Variants in RFC2 observed in about 807,000 individuals in gnomAD.
The protein encoded by RFC2 is replication factor C subunit 2, also known as A1 40 kDa subunit.
RFC2 carries 34 observed loss-of-function variants against 44.8 expected under a neutral mutation model. The ratio of observed to expected loss-of-function variants is 0.76; its 90% CI spans 0.58 to 1.01. The LOEUF is 1.01. Ranked by LOEUF, RFC2 falls within the 50% of genes least tolerant of loss-of-function variation. RFC2 has a pLI of 0.00. For missense variants in RFC2, 400 were observed against 453.6 expected (o/e 0.88, Z 1.07); for synonymous variants, 177 against 168.9 (o/e 1.05, Z -0.37).
Position 74,237,344 on chromosome 7 carries a change from G to A in RFC2, c.840+18C>T, listed in dbSNP as rs200452278. On this transcript the variant is annotated intron_variant, in intron 9 of 10. Transcript: ENST00000055077. ...AAGTGAGCGGTTCCTCTGCCAGGACGGGGGGAAGGAGGCCAACCTTGTAGG... is the reference window on the plus strand; with the variant it reads ...AAGTGAGCGGTTCCTCTGCCAGGACAGGGGGAAGGAGGCCAACCTTGTAGG... 2.0e-5 allele frequency: 32 copies of A among 1,582,634 alleles called. No homozygotes were observed. The highest frequency in any genetic ancestry group is 1.7e-4 in the Middle Eastern group (1 of 6,032).
chr7:74,234,748 T>C (rs1356119481), intron 10 of RFC2, among the ~76,000 whole-genome samples: 2 of 151,986 alleles, frequency 1.3e-5, no homozygotes, highest in Non-Finnish European at 2.9e-5. Flanking sequence ...CCTCCCTCCG[T>C]TCTCAACAGG....
At chr7:74,247,592 A>T (rs1803692794) in intron 4 of RFC2, among the ~76,000 whole-genome samples, 1 of 152,320 alleles carries the variant, frequency 6.6e-6, no homozygotes, top group Admixed American at 6.5e-5. Flanking sequence ...GTGAGTCGAG[A>T]TCGTGCCACT....
intron 10 of RFC2, among the ~76,000 whole-genome samples, chr7:74,233,023 T>C (rs373412468): frequency 6.6e-5 from 10 of 151,580 alleles, no homozygotes; most frequent in East Asian, 1.9e-4. Flanking sequence ...CTGGGCAACA[T>C]AGCAACACCC....
intron 1 of RFC2, 124 bp downstream of exon 1, chr7:74,254,147 G>T: frequency 1.4e-6 from 1 of 727,336 alleles, no homozygotes; most frequent in Non-Finnish European, 2.5e-6. Flanking sequence ...GCCACCCGGG[G>T]CCTCCTCCTC....
intron 3 of RFC2, chr7:74,249,336 T>G (rs1803801477): frequency 1.5e-6 from 1 of 682,048 alleles, no homozygotes; most frequent in Non-Finnish European, 2.4e-6. Flanking sequence ...AGGTCAGGAG[T>G]TCAAGACCAG....
Position 74,254,326 on chromosome 7 carries a change from G to A in RFC2, c.58C>T (p.Pro20Ser), listed in dbSNP as rs1554721587. 1 of 1,612,390 alleles carries A rather than the reference G, an allele frequency of 6.2e-7. No individual in the cohort carries two copies. The highest frequency in any genetic ancestry group is 1.1e-5 in the South Asian group (1 of 91,004). ...AGEVEAQDSDPAPAFSKAPGS... is the reference protein window; with the variant it reads ...AGEVEAQDSDSAPAFSKAPGS... ...GGGGCCTTGCTGAAGGCAGGGGCAG[G>A]GTCAGAGTCCTGGGCCTCCACCTCG... Residue 20 changes from proline (P) to serine (S), a missense_variant, in exon 1 of 11, where the codon CCT becomes TCT. Coordinates refer to ENST00000055077, the MANE Select transcript of RFC2 (RefSeq NM_181471.3).
chr7:74,234,551 C>T (rs1208109014), intron 10 of RFC2, among the ~76,000 whole-genome samples: 1 of 151,886 alleles, frequency 6.6e-6, no homozygotes, highest in Non-Finnish European at 1.5e-5. Context: ...TCAGGACAAT[C>T]AGCCACGTTG....
chr7:74,235,437 C>T (rs1278213183), intron 10 of RFC2, 95 bp downstream of exon 10: 2 of 822,788 alleles, frequency 2.4e-6, no homozygotes, highest in African/African-American at 3.4e-5. Flanking sequence ...CCACCTCGGC[C>T]TCCCAAAGTG....
Position 74,238,910 on chromosome 7 carries a change from C to T in RFC2, c.759+13G>A, listed in dbSNP as rs376419283. 5.6e-6 allele frequency: 9 copies of T among 1,609,704 alleles called. No individual in the cohort carries two copies. In the African/African-American group the frequency reaches 1.1e-4, roughly 19 times the overall value. On this transcript the variant is annotated intron_variant, in intron 8 of 10. Transcript: ENST00000055077. The surrounding 1 kb of genome is among the most constrained non-coding windows in gnomAD (Gnocchi z 4.0). ...GCTTCTGCTGACAGTACCACCCACA[C>T]TAGCGCTTGTACCTTGAACACGTTC...
chr7:74,251,063 A>G (rs1786910376), intron 2 of RFC2, among the ~76,000 whole-genome samples: 1 of 152,218 alleles, frequency 6.6e-6, no homozygotes, highest in Non-Finnish European at 1.5e-5. Context: ...CTGGGATTAC[A>G]GGTGTGAGCC....
chr7:74,233,595 G>GTTTTTTT, intron 10 of RFC2, among the ~76,000 whole-genome samples: 1 of 124,430 alleles, frequency 8.0e-6, no homozygotes, highest in Non-Finnish European at 1.7e-5. Flanking sequence ...GTTGTTATTG[G>GTTTTTTT]TTTTTTTTTT....
chr7:74,237,431 C>T lies in RFC2; in HGVS notation c.771G>A (p.Glu257=), dbSNP rs782743335. 15 of 1,591,690 alleles carry T rather than the reference C, an allele frequency of 9.4e-6. No homozygotes were observed. The highest frequency in any genetic ancestry group is 1.3e-5 in the Non-Finnish European group (15 of 1,167,474). Reference sequence around the variant, plus strand: ...TCTCCTTTACCAGCAGTGGGTGGGGCTCGTCACAGACCTGGCCAAAGGGAA... The same window carrying T: ...TCTCCTTTACCAGCAGTGGGTGGGGTTCGTCACAGACCTGGCCAAAGGGAA... ...NSENVFKVCD[E]PHPLLVKEMI... is the part of the protein sequence containing the mutation. Residue 257 remains glutamate, a synonymous_variant, in exon 9 of 11, where the codon GAG becomes GAA. Transcript: ENST00000055077.
intron 5 of RFC2, 39 bp downstream of exon 5, chr7:74,246,623 A>T (rs1267502548): frequency 1.5e-6 from 2 of 1,326,984 alleles, no homozygotes; most frequent in Non-Finnish European, 1.1e-6. Context: ...AAAGAGATTT[A>T]GAGATCAAGG....
intron 7 of RFC2, among the ~76,000 whole-genome samples, chr7:74,239,681 GT>G (rs1450669737): frequency 6.6e-6 from 1 of 152,112 alleles, no homozygotes; most frequent in Non-Finnish European, 1.5e-5. Context: ...ATTTCACCAT[GT>G]TGGCCAGGCT....
chr7:74,233,595 GTTTTTTTT>G lies in RFC2; in HGVS notation c.955-1387_955-1380del, dbSNP rs79258549. Among the ~76,000 whole-genome samples the G allele has an allele frequency of 2.4e-5, 3 of 124,436 alleles. No homozygotes were observed. The Admixed American group carries it at 2.5e-4, about 10-fold the overall frequency. The allele number at this position is 124,436 out of a possible 152,430, so 81.6% of individuals were successfully genotyped here. A position where few individuals can be genotyped will look rare whatever the true frequency, so the allele number is the denominator to read the frequency against. On this transcript the variant is annotated intron_variant, in intron 10 of 10. Transcript: ENST00000055077. Reference sequence around the variant, plus strand: ...GGTTATTTTGTTGTTGTTGTTATTGGTTTTTTTTTTTTTTTTTTTTTTAAGATGGAGTC... The same window carrying G: ...GGTTATTTTGTTGTTGTTGTTATTGGTTTTTTTTTTTTTTAAGATGGAGTC...
rs911491826 is a variant in RFC2, at chr7:74,254,201, C to T, written c.113+70G>A. The T allele has an allele frequency of 4.5e-4, 535 of 1,198,710 alleles. 2 individuals carry two copies. Among genetic ancestry groups the T allele is most frequent in the Non-Finnish European group, 6.2e-4 (508 of 820,506 alleles). The allele number at this position is 1,198,710 out of a possible 1,614,324, so 74.3% of individuals were successfully genotyped here. ...CGAGCCCCTGACCCCCGAGTTTCTC[C>T]GGAGCACGGCCCGCCACTCGCCCAC... On this transcript the variant is annotated intron_variant, in intron 1 of 10. Transcript: ENST00000055077.
chr7:74,252,551 C>A, intron 1 of RFC2, 53 bp from the exon 2 acceptor site: 1 of 993,350 alleles, frequency 1.0e-6, no homozygotes, highest in Non-Finnish European at 1.6e-6. Context: ...CACTACCCCA[C>A]AAAAAGCACC....
rs1467001630 is a variant in RFC2, at chr7:74,246,413, AC to A, written c.434+248del. 3.8e-4 allele frequency among the ~76,000 whole-genome samples: 57 copies of A among 151,460 alleles called. 1 individual carries two copies. The highest frequency in any genetic ancestry group is 1.1e-3 in the African/African-American group (47 of 41,272). ...AACTCCATCTCAAAAAAAAAAAAAA[AC>A]AAAAACCCTCATTTAAATTATTAAC... On this transcript the variant is annotated intron_variant, in intron 5 of 10. Coordinates refer to ENST00000055077, the MANE Select transcript of RFC2 (RefSeq NM_181471.3).
At position 74,232,057 on chromosome 7, in the gene RFC2, CT is replaced by C; in HGVS notation, c.*48del. 1 of 1,134,282 alleles carries C rather than the reference CT, an allele frequency of 8.8e-7. No homozygotes were observed. Among genetic ancestry groups the C allele is most frequent in the South Asian group, 1.3e-5 (1 of 79,492 alleles). The allele number at this position is 1,134,282 out of a possible 1,614,324, so 70.3% of individuals were successfully genotyped here. A position where few individuals can be genotyped will look rare whatever the true frequency, so the allele number is the denominator to read the frequency against. On this transcript the variant is annotated 3_prime_UTR_variant, in exon 11 of 11. Transcript: ENST00000055077. The stretch of plus-strand genomic sequence containing the variant: ...TTCCCCCATCAGAAAGCCGCGGCTC[CT>C]GTACCTCAGAATAGGGCACCTGTAA...
Sources: allele counts gnomAD v4.1 joint callset (sites outside exome capture counted in the v4.1 genomes callset), GRCh38; gene constraint gnomAD v4.1.1; non-coding constraint Gnocchi (gnomAD v3.1); transcripts MANE v1.5; gene names NCBI Gene and HGNC (gene_info 2026-07-23, HGNC 2026-07-21).